WIPF2: variants seen among roughly 807,000 people sequenced by gnomAD.
WIPF2 encodes the protein WAS/WASL interacting protein family member 2.
Under a neutral mutation model 38.8 loss-of-function variants are expected in WIPF2, and 23 were observed. The ratio of observed to expected loss-of-function variants is 0.59; its 90% CI spans 0.43 to 0.84. WIPF2 has a LOEUF of 0.84. WIPF2 is among the 40% of genes least tolerant of loss of function. WIPF2 has a pLI of 0.00. For synonymous variants in WIPF2, 210 were observed against 223.2 expected, an observed-to-expected ratio of 0.94 and a Z score of 0.53; for missense variants, 574 against 580.5, an observed-to-expected ratio of 0.99 and a Z score of 0.11.
intron 1 of WIPF2, among the ~76,000 whole-genome samples, chr17:40,225,750 A>G (rs915663045): frequency 5.9e-5 from 9 of 152,074 alleles, no homozygotes; most frequent in Non-Finnish European, 1.3e-4. Context: ...CCCCAGGCTC[A>G]GGCTCAGGTG....
At chr17:40,249,869 G>A (rs892537285) in intron 1 of WIPF2, among the ~76,000 whole-genome samples, 4 of 147,548 alleles carry the variant, frequency 2.7e-5, no homozygotes, top group African/African-American at 1.0e-4. Flanking sequence ...GTCTCGCACT[G>A]TCACCTGGGC....
At chr17:40,277,444 G>C (rs1185342208) in intron 7 of WIPF2, among the ~76,000 whole-genome samples, 1 of 152,102 alleles carries the variant, frequency 6.6e-6, no homozygotes, top group Non-Finnish European at 1.5e-5. Context: ...CATTTTGGGA[G>C]GCTGAGGTGG....
intron 1 of WIPF2, among the ~76,000 whole-genome samples, chr17:40,237,958 C>T (rs1201024686): frequency 8.1e-5 from 12 of 148,860 alleles, no homozygotes; most frequent in African/African-American, 2.7e-4. Context: ...CCCAGCTACT[C>T]AGGAGGCTGA....
chr17:40,220,428 CTCTG>C (rs2030128504), intron 1 of WIPF2: 1 of 150,428 alleles, frequency 6.6e-6, no homozygotes, highest in Admixed American at 6.7e-5. Context: ...CGTGGTCTCA[CTCTG>C]TCGCCCGGGC....
intron 3 of WIPF2, 157 bp downstream of exon 3, chr17:40,260,824 T>G: frequency 9.7e-7 from 1 of 1,028,158 alleles, no homozygotes; most frequent in Non-Finnish European, 1.5e-6. Context: ...ACCTTAGAAG[T>G]TTCTTCTTGA....
chr17:40,223,843 C>T (rs1021224282), intron 1 of WIPF2, among the ~76,000 whole-genome samples: 3 of 151,934 alleles, frequency 2.0e-5, no homozygotes, highest in African/African-American at 7.3e-5. Flanking sequence ...TCTCGGCCTC[C>T]CAAAGTGCTG....
chr17:40,243,122 A>G (rs2031246917), intron 1 of WIPF2, among the ~76,000 whole-genome samples: 1 of 152,160 alleles, frequency 6.6e-6, no homozygotes, highest in South Asian at 2.1e-4. Flanking sequence ...GCTGCCTTGT[A>G]TCTGGGAATA....
chr17:40,247,511 G>T (rs538423664), intron 1 of WIPF2, among the ~76,000 whole-genome samples: 1 of 149,184 alleles, frequency 6.7e-6, no homozygotes, highest in African/African-American at 2.5e-5. Flanking sequence ...GAGCCAACGC[G>T]CCTGGCCTTT....
chr17:40,274,580 AAAAAAAAAG>A (rs2032336522), intron 6 of WIPF2, among the ~76,000 whole-genome samples: 2 of 148,834 alleles, frequency 1.3e-5, no homozygotes, highest in African/African-American at 4.9e-5. Context: ...AAAAAAAAAA[AAAAAAAAAG>A]AAAAGTCCCA....
In WIPF2 at chr17:40,219,355, G is replaced by A; in HGVS notation, c.-207G>A. 7.7e-6 allele frequency: 3 copies of A among 390,520 alleles called. No homozygotes were observed. The highest frequency in any genetic ancestry group is 9.6e-6 in the Non-Finnish European group (2 of 207,686). 24.2% of individuals were successfully genotyped at this position (390,520 alleles called of 1,614,324 possible). On this transcript the variant is annotated 5_prime_UTR_variant, in exon 1 of 8. Transcript: ENST00000323571. ...TGGGAGCAGATCCATTTCCGGGTTGGCAAAAGGGGCGGTGGCGGCGGCGGC... is the reference window on the plus strand; with the variant it reads ...TGGGAGCAGATCCATTTCCGGGTTGACAAAAGGGGCGGTGGCGGCGGCGGC...
chr17:40,248,163 CTTTTTTTTTTTT>C (rs60359132), intron 1 of WIPF2, among the ~76,000 whole-genome samples: 1 of 47,618 alleles, frequency 2.1e-5, no homozygotes, highest in Non-Finnish European at 4.2e-5. Flanking sequence ...AAAGTTATTT[CTTTTTTTTTTTT>C]TTTTTTTTTT....
Position 40,278,366 on chromosome 17 carries a change from C to A in WIPF2, c.*141C>A. The A allele has an allele frequency of 1.1e-6, 1 of 918,584 alleles. No individual in the cohort carries two copies. Among genetic ancestry groups the A allele is most frequent in the Non-Finnish European group, 1.7e-6 (1 of 598,936 alleles). 56.9% of individuals were successfully genotyped at this position (918,584 alleles called of 1,614,324 possible). A position where few individuals can be genotyped will look rare whatever the true frequency, so the allele number is the denominator to read the frequency against. ...TCAAGCCCTAGACTCCAAATGTCCT[C>A]CCAGCTCACCTCCATCTATGCATCT... On this transcript the variant is annotated 3_prime_UTR_variant, in exon 8 of 8. Coordinates refer to ENST00000323571, the MANE Select transcript of WIPF2 (RefSeq NM_133264.5).
chr17:40,260,497 A>G, intron 2 of WIPF2, 38 bp from the exon 3 acceptor site: 1 of 1,605,984 alleles, frequency 6.2e-7, no homozygotes, highest in Non-Finnish European at 8.5e-7. Context: ...GATAAAGGGA[A>G]CTCTTTAGGG....
At position 40,281,771 on chromosome 17, in the gene WIPF2, G is replaced by A. The variant is rs2032550250; in HGVS notation, c.*3546G>A. On this transcript the variant is annotated 3_prime_UTR_variant, in exon 8 of 8. Coordinates refer to ENST00000323571, the MANE Select transcript of WIPF2 (RefSeq NM_133264.5). ...ATCTGTAGGCTGAGTGCTTATGGGG[G>A]TGGGGGAGAAGGGTGACTCCAGGGT... The A allele has an allele frequency of 6.6e-6, 1 of 152,586 alleles. No homozygotes were observed. The highest frequency in any genetic ancestry group is 1.9e-4 in the East Asian group (1 of 5,200). The allele number at this position is 152,586 out of a possible 1,614,324, so 9.5% of individuals were successfully genotyped here.
chr17:40,249,968 G>A (rs1362689831), intron 1 of WIPF2, among the ~76,000 whole-genome samples: 1 of 151,438 alleles, frequency 6.6e-6, no homozygotes, highest in Non-Finnish European at 1.5e-5. Context: ...GAGTAGCTGG[G>A]ACTACAGGCA....
chr17:40,243,367 C>A (rs952269422), intron 1 of WIPF2, among the ~76,000 whole-genome samples: 1 of 151,962 alleles, frequency 6.6e-6, no homozygotes, highest in East Asian at 1.9e-4. Flanking sequence ...GGGAAAGCTG[C>A]GTTTTGGGGA....
intron 1 of WIPF2, among the ~76,000 whole-genome samples, chr17:40,249,643 G>A (rs1042435471): frequency 2.6e-5 from 4 of 151,588 alleles, no homozygotes; most frequent in Non-Finnish European, 5.9e-5. Context: ...GGTAGAGACA[G>A]GGTTACTCCA....
chr17:40,231,935 C>CTTT (rs71152658), intron 1 of WIPF2, among the ~76,000 whole-genome samples: 239 of 104,264 alleles, frequency 2.3e-3, no homozygotes, highest in African/African-American at 7.2e-3. Flanking sequence ...TTTTTTCTTT[C>CTTT]TTTTTTTTTT....
intron 6 of WIPF2, 38 bp downstream of exon 6, chr17:40,274,037 G>A (rs548960543): frequency 6.7e-6 from 10 of 1,484,520 alleles, no homozygotes; most frequent in South Asian, 5.5e-5. Context: ...TGGTTCCTGC[G>A]GTGACTTCAC....
Sources: gnomAD v4.1 joint callset for allele counts (sites outside exome capture counted in the v4.1 genomes callset) on GRCh38, gnomAD v4.1.1 for gene constraint, MANE v1.5 for transcripts, NCBI Gene and HGNC (gene_info 2026-07-23, HGNC 2026-07-21) for gene names.